The following SPART variants were observed in gnomAD, a reference collection of about 807,000 sequenced individuals.
The protein encoded by SPART is spastic paraplegia 20 (Troyer syndrome).
A neutral mutation model predicts 58.7 loss-of-function variants in SPART; 35 were observed. The ratio of observed to expected loss-of-function variants is 0.60; its 90% CI spans 0.46 to 0.79. The LOEUF (loss-of-function observed/expected upper bound fraction) is 0.79, where lower values mean the gene tolerates loss of function less well. SPART is among the 30% of genes least tolerant of loss of function. SPART has a pLI of 0.00. For missense variants in SPART, 730 were observed against 786.1 expected (o/e 0.93, Z 0.85); for synonymous variants, 284 against 280.7 (o/e 1.01, Z -0.12).
At chr13:36,352,099 T>C (rs1885437190) in intron 1 of SPART, among the ~76,000 whole-genome samples, 1 of 152,206 alleles carries the variant, frequency 6.6e-6, no homozygotes, top group Non-Finnish European at 1.5e-5. Context: ...GGTTAATGTT[T>C]TAATAATGTT....
intron 5 of SPART, among the ~76,000 whole-genome samples, chr13:36,322,403 C>G (rs576581144): frequency 6.6e-6 from 1 of 152,054 alleles, no homozygotes; most frequent in Non-Finnish European, 1.5e-5. Flanking sequence ...GCTGAGATAG[C>G]GTCACTGCAC....
At chr13:36,365,232 G>T (rs1471128700) in intron 1 of SPART, among the ~76,000 whole-genome samples, 1 of 152,196 alleles carries the variant, frequency 6.6e-6, no homozygotes, top group East Asian at 1.9e-4. Flanking sequence ...AGGAGCAACA[G>T]ATGGTTAAAG....
intron 5 of SPART, among the ~76,000 whole-genome samples, chr13:36,319,817 C>A (rs770750425): frequency 6.8e-5 from 10 of 148,122 alleles, no homozygotes; most frequent in Non-Finnish European, 1.4e-4. Flanking sequence ...CAAAGCTTCT[C>A]AGACAGCCCC....
At chr13:36,326,425 C>A in intron 5 of SPART, 150 bp downstream of exon 5, 1 of 856,080 alleles carries the variant, frequency 1.2e-6, no homozygotes. Flanking sequence ...TTTCAAAAGA[C>A]TAGTTCCTTC....
At chr13:36,315,173 G>A (rs1881562176) in intron 5 of SPART, among the ~76,000 whole-genome samples, 1 of 152,176 alleles carries the variant, frequency 6.6e-6, no homozygotes, top group Non-Finnish European at 1.5e-5. Flanking sequence ...AATGACAGAA[G>A]TGCTCACCAG....
rs574691191 is a variant in SPART, at chr13:36,314,702, T to G, written c.1289-281A>C. Among the ~76,000 whole-genome samples the G allele has an allele frequency of 2.0e-5, 3 of 152,304 alleles. No individual in the cohort carries two copies. In the East Asian group the frequency reaches 5.8e-4, roughly 29 times the overall value. On this transcript the variant is annotated intron_variant, in intron 5 of 8. Transcript: ENST00000438666. ...TCTGAAGATGACCACAAACAGTATC[T>G]CTATATGTTACTTACCACAGTATAT...
chr13:36,309,448 T>C (rs997337006), intron 8 of SPART, among the ~76,000 whole-genome samples: 4 of 152,162 alleles, frequency 2.6e-5, no homozygotes, highest in Non-Finnish European at 5.9e-5. Flanking sequence ...ACATGTTCAC[T>C]GCACTATTCA....
rs1882964397 is a variant in SPART, at chr13:36,326,652, G to A, written c.1211C>T (p.Pro404Leu). The change falls in exon 5 of 9, where the codon CCA becomes CTA. Residue 404 changes from proline (P) to leucine (L), a missense_variant. By Grantham distance (98) the Pro-to-Leu change is moderately conservative (BLOSUM62 -3). Transcript: ENST00000438666. ...SEEVNLSHIV[P>L]CEPVPEEKPK... is the part of the protein sequence containing the mutation. Reference sequence around the variant, plus strand: ...CTTTTCTTCTGGAACTGGCTCACATGGTACAATGTGACTCAGGTTAACTTC... The same window carrying A: ...CTTTTCTTCTGGAACTGGCTCACATAGTACAATGTGACTCAGGTTAACTTC... 1 of 1,612,800 alleles carries A rather than the reference G, an allele frequency of 6.2e-7. No individual in the cohort carries two copies. The highest frequency in any genetic ancestry group is 8.5e-7 in the Non-Finnish European group (1 of 1,179,362).
At chr13:36,360,606 A>C (rs1885816488) in intron 1 of SPART, 1 of 152,552 alleles carries the variant, frequency 6.6e-6, no homozygotes, top group Admixed American at 6.6e-5. Context: ...AGAGTAACTC[A>C]TTTCATTCTC....
At position 36,344,035 on chromosome 13, in the gene SPART, TA is replaced by T. The variant is rs35639781; in HGVS notation, c.-3+2189del. ...GTGACAGAGCAAGACCTTGTCTCTT[TA>T]AAAAAAAAAAAAAAAGAAAGAAAGA... On this transcript the variant is annotated intron_variant, in intron 1 of 8. Coordinates refer to ENST00000438666, the MANE Select transcript of SPART (RefSeq NM_015087.5). Among the ~76,000 whole-genome samples, 518 of 129,778 alleles carry T rather than the reference TA, an allele frequency of 4.0e-3. 1 individual carries two copies. The highest frequency in any genetic ancestry group is 6.4e-3 in the African/African-American group (219 of 34,488). 85.1% of individuals were successfully genotyped at this position (129,778 alleles called of 152,430 possible).
At chr13:36,347,490 C>T (rs185923090), upstream of SPART, among the ~76,000 whole-genome samples, 67 of 152,252 alleles carry the variant, frequency 4.4e-4, no homozygotes, top group Non-Finnish European at 6.3e-4. Flanking sequence ...TGACCTCAAG[C>T]GATCCACCTG....
At chr13:36,349,780 T>A (rs1270614584), upstream of SPART, among the ~76,000 whole-genome samples, 1 of 152,226 alleles carries the variant, frequency 6.6e-6, no homozygotes, top group East Asian at 1.9e-4. Flanking sequence ...GCAAAATCAT[T>A]TTCATATGAA....
Position 36,335,117 on chromosome 13 carries a change from C to G in SPART, c.714G>C (p.Glu238Asp), listed in dbSNP as rs1389468830. The G allele has an allele frequency of 5.0e-6, 8 of 1,614,098 alleles. No individual in the cohort carries two copies. Among genetic ancestry groups the G allele is most frequent in the Non-Finnish European group, 6.8e-6 (8 of 1,179,982 alleles). Residue 238 changes from glutamate to aspartate, a missense_variant, in exon 2 of 9, where the codon GAG becomes GAC. Glu to Asp is a conservative substitution (Grantham distance 45). Transcript: ENST00000438666. ...ACCCAGGATACGAAGGTGCACTAAC[C>G]TCCCCTGCAGGATTTACAAAAAAAA... Reference protein sequence around the residue: ...VQIFFVNPAGEVSAPSYPGYL... With the variant: ...VQIFFVNPAGDVSAPSYPGYL...
At chr13:36,324,934 G>C (rs537875848) in intron 5 of SPART, among the ~76,000 whole-genome samples, 6 of 152,256 alleles carry the variant, frequency 3.9e-5, no homozygotes, top group African/African-American at 1.4e-4. Context: ...GCCAGGAAAA[G>C]GACTTTCACA....
At chr13:36,344,442 C>A (rs1450589440) in intron 1 of SPART, among the ~76,000 whole-genome samples, 1 of 151,978 alleles carries the variant, frequency 6.6e-6, no homozygotes, top group Non-Finnish European at 1.5e-5. Context: ...ACCTTCCTTG[C>A]TACATCTCCA....
rs1566131408 is a variant in SPART, at chr13:36,335,112, C to A, written c.719G>T (p.Ser240Ile). 6.2e-7 allele frequency: 1 copy of A among 1,614,126 alleles called. No individual in the cohort carries two copies. The highest frequency in any genetic ancestry group is 8.5e-7 in the Non-Finnish European group (1 of 1,180,012). Residue 240 changes from serine (S) to isoleucine (I), a missense_variant, in exon 2 of 9, where the codon AGT becomes ATT. Coordinates refer to ENST00000438666, the MANE Select transcript of SPART (RefSeq NM_015087.5). ...IFFVNPAGEV[S>I]APSYPGYLRI... ...AAGGTACCCAGGATACGAAGGTGCA[C>A]TAACCTCCCCTGCAGGATTTACAAA...
chr13:36,325,909 T>C (rs1882882191), intron 5 of SPART: 1 of 152,498 alleles, frequency 6.6e-6, no homozygotes. Flanking sequence ...CAAAATATCA[T>C]AAACTAGTAG....
rs779828161 is a variant in SPART, at chr13:36,312,224, C to T, written c.1654G>A (p.Val552Ile). 1 of 1,613,990 alleles carries T rather than the reference C, an allele frequency of 6.2e-7. No individual in the cohort carries two copies. The highest frequency in any genetic ancestry group is 1.3e-5 in the African/African-American group (1 of 74,914). ...AASSVQGFSTVWQGLECAAKC... is the reference protein window; with the variant it reads ...AASSVQGFSTIWQGLECAAKC... ...GCTGCACATTCCAATCCTTGCCAGA[C>T]AGTTGAAAATCCTGTAAAAATAATA... The change falls in exon 8 of 9, where the codon GTC becomes ATC. Residue 552 changes from valine to isoleucine, a missense_variant. Physicochemically the swap from Val to Ile is conservative, Grantham distance 29 (BLOSUM62 3). Coordinates refer to ENST00000438666, the MANE Select transcript of SPART (RefSeq NM_015087.5).
chr13:36,356,157 G>A (rs113406796), intron 1 of SPART, among the ~76,000 whole-genome samples: 14 of 152,158 alleles, frequency 9.2e-5, no homozygotes, highest in Non-Finnish European at 1.3e-4. Flanking sequence ...CTTCTACTCC[G>A]GAGTCTACAA....
Sources: gnomAD v4.1 joint callset for allele counts (sites outside exome capture counted in the v4.1 genomes callset) on GRCh38, gnomAD v4.1.1 for gene constraint, MANE v1.5 for transcripts, NCBI Gene and HGNC (gene_info 2026-07-23, HGNC 2026-07-21) for gene names.